The following TSPOAP1 variants were observed in gnomAD, a reference collection of about 807,000 sequenced individuals.
TSPOAP1 encodes the protein peripheral-type benzodiazepine receptor-associated protein 1.
Under a neutral mutation model 197.0 loss-of-function variants are expected in TSPOAP1, and 87 were observed. The ratio of observed to expected loss-of-function variants is 0.44; its 90% CI spans 0.37 to 0.53. The LOEUF (loss-of-function observed/expected upper bound fraction) is 0.53. Ranked by LOEUF, TSPOAP1 falls within the 20% of genes least tolerant of loss-of-function variation. TSPOAP1 has a pLI of 0.00. For synonymous variants in TSPOAP1, 913 were observed against 998.9 expected (o/e 0.91, Z 1.62); for missense variants, 2,174 against 2,411.3 (o/e 0.90, Z 2.06).
chr17:58,314,599 A>C (rs1012607590), intron 16 of TSPOAP1, among the ~76,000 whole-genome samples: 5 of 152,248 alleles, frequency 3.3e-5, no homozygotes, highest in Non-Finnish European at 7.3e-5. Flanking sequence ...AGAGCCCCCA[A>C]GGGGATGCAG....
chr17:58,306,592 G>T, intron 25 of TSPOAP1, 179 bp from the exon 26 acceptor site: 1 of 892,260 alleles, frequency 1.1e-6, no homozygotes, highest in Non-Finnish European at 1.7e-6. Context: ...CTGGCTGCAT[G>T]GCTGTATTCC....
At chr17:58,313,188 C>A (rs1471767580) in intron 16 of TSPOAP1, among the ~76,000 whole-genome samples, 1 of 152,110 alleles carries the variant, frequency 6.6e-6, no homozygotes, top group African/African-American at 2.4e-5. Context: ...AAAGTTTTAA[C>A]AATTGTTGAA....
At position 58,309,219 on chromosome 17, in the gene TSPOAP1, G is replaced by A; in HGVS notation, c.4053C>T (p.Gly1351=). The change falls in exon 22 of 32, where the codon GGC becomes GGT. Residue 1351 remains glycine, a synonymous_variant. Transcript: ENST00000343736. The surrounding 1 kb of genome is among the most constrained non-coding windows in gnomAD (Gnocchi z 5.0). ...EDEEEEKSGA[G]CSSRDPGPPE... ...GCGGGCCAGGGTCTCGGGAAGAACA[G>A]CCTGCCCCTGACTTCTCCTCCTCCT... 1.2e-6 allele frequency: 2 copies of A among 1,614,048 alleles called. No individual in the cohort carries two copies.
intron 5 of TSPOAP1, 151 bp from the exon 6 acceptor site, chr17:58,323,696 C>T (rs1041945480): frequency 1.1e-5 from 8 of 720,250 alleles, no homozygotes; most frequent in African/African-American, 1.1e-4. Flanking sequence ...GTACTGTCTG[C>T]CCACCCACCT....
chr17:58,316,159 G>A (rs1971226775), intron 15 of TSPOAP1, 27 bp from the exon 16 acceptor site: 2 of 1,542,232 alleles, frequency 1.3e-6, no homozygotes, highest in African/African-American at 2.7e-5. Flanking sequence ...AGAGGAGGAG[G>A]AGGAGAGTGA....
chr17:58,323,279 G>C lies in TSPOAP1; in HGVS notation c.1104+19C>G, dbSNP rs374727914. ...GGTGAAGGGAGGAGCTGGCCTCTGGGTTGCCCTCAAGAGCTCACCAGCTCC... is the reference window on the plus strand; with the variant it reads ...GGTGAAGGGAGGAGCTGGCCTCTGGCTTGCCCTCAAGAGCTCACCAGCTCC... On this transcript the variant is annotated intron_variant, in intron 7 of 31. Coordinates refer to ENST00000343736, the MANE Select transcript of TSPOAP1 (RefSeq NM_004758.4). 79 of 1,613,490 alleles carry C rather than the reference G, an allele frequency of 4.9e-5. 1 individual carries two copies. Among genetic ancestry groups the C allele is most frequent in the African/African-American group, 4.0e-5 (3 of 74,920 alleles).
chr17:58,302,577 G>A, intron 31 of TSPOAP1, 130 bp from the exon 32 acceptor site: 4 of 530,488 alleles, frequency 7.5e-6, no homozygotes, highest in Non-Finnish European at 1.1e-5. Flanking sequence ...TGAGAACCAG[G>A]GCCTCACCTC....
intron 24 of TSPOAP1, chr17:58,307,381 C>T (rs183902613): frequency 1.7e-6 from 1 of 594,348 alleles, no homozygotes; most frequent in Non-Finnish European, 2.9e-6. Flanking sequence ...GAGGTAGACA[C>T]TAATATTATC....
intron 22 of TSPOAP1, among the ~76,000 whole-genome samples, 186 bp downstream of exon 22, chr17:58,308,355 T>C (rs1051572236): frequency 1.3e-5 from 2 of 152,158 alleles, no homozygotes; most frequent in African/African-American, 4.8e-5. Flanking sequence ...ATCCCAGTCC[T>C]GATCAGCAGA....
chr17:58,321,038 A>T (rs1340634891), intron 10 of TSPOAP1, among the ~76,000 whole-genome samples: 1 of 152,116 alleles, frequency 6.6e-6, no homozygotes, highest in Admixed American at 6.5e-5. Context: ...GTGGCTCCAA[A>T]TATCTCCAAG....
chr17:58,308,592 T>C lies in TSPOAP1; in HGVS notation c.4680A>G (p.Pro1560=). 6.3e-7 allele frequency: 1 copy of C among 1,582,800 alleles called. No homozygotes were observed. The highest frequency in any genetic ancestry group is 8.6e-7 in the Non-Finnish European group (1 of 1,162,138). ...CCGTCGCACTGCGGCCTCTCCGCTC[T>C]GGTTCCCCTTTCTCCCAGGCTGGGA... The part of the protein sequence containing the change: ...PRLPAWEKGE[P]ERRGRSATGR... The change falls in exon 22 of 32, where the codon CCA becomes CCG. Residue 1560 remains proline, a synonymous_variant. Coordinates refer to ENST00000343736, the MANE Select transcript of TSPOAP1 (RefSeq NM_004758.4).
intron 4 of TSPOAP1, 176 bp downstream of exon 4, chr17:58,325,358 A>G (rs1971549524): frequency 5.0e-6 from 4 of 796,656 alleles, no homozygotes; most frequent in Non-Finnish European, 7.9e-6. Flanking sequence ...TCTGGGACTC[A>G]TGGCTCCACC....
chr17:58,312,435 G>C lies in TSPOAP1; in HGVS notation c.2386C>G (p.Arg796Gly). 1 of 1,613,146 alleles carries C rather than the reference G, an allele frequency of 6.2e-7. No homozygotes were observed. The highest frequency in any genetic ancestry group is 8.5e-7 in the Non-Finnish European group (1 of 1,179,828). ...GCCAGCTGCTTGAGGACCACCAGACGGCGGGGGTAAGGCACGGCAGGAGGC... is the reference window on the plus strand; with the variant it reads ...GCCAGCTGCTTGAGGACCACCAGACCGCGGGGGTAAGGCACGGCAGGAGGC... ...GEPPAVPYPR[R>G]LVVLKQLAHS... Residue 796 changes from arginine (R) to glycine (G), a missense_variant, in exon 17 of 32, where the codon CGT becomes GGT. Physicochemically the swap from Arg to Gly is moderately radical, Grantham distance 125 (BLOSUM62 -2). Around this residue, in one of 5 missense-constraint regions of TSPOAP1, gnomAD observed 1,933 missense variants for 2,139.0 expected, o/e 0.90. Coordinates refer to ENST00000343736, the MANE Select transcript of TSPOAP1 (RefSeq NM_004758.4).
chr17:58,323,229 G>A, intron 7 of TSPOAP1, 69 bp downstream of exon 7: 1 of 1,576,732 alleles, frequency 6.3e-7, no homozygotes, highest in Non-Finnish European at 8.7e-7. Flanking sequence ...AGAGCTGAGA[G>A]GGAGCCCACC....
chr17:58,311,546 C>T (rs748353424), intron 18 of TSPOAP1, 25 bp downstream of exon 18: 33 of 1,533,586 alleles, frequency 2.2e-5, no homozygotes, highest in Non-Finnish European at 2.6e-5. Context: ...CCCCCACTCC[C>T]AGGGTACAGT....
chr17:58,310,245 CA>C, intron 20 of TSPOAP1, 87 bp from the exon 21 acceptor site: 1 of 1,386,886 alleles, frequency 7.2e-7, no homozygotes, highest in Non-Finnish European at 9.8e-7. Flanking sequence ...GCCACAGTAA[CA>C]AGGGTCCTTT....
rs1417701755 is a variant in TSPOAP1 at position 58,318,378 on chromosome 17, C to T, written c.1774G>A (p.Gly592Arg). The change falls in exon 14 of 32, where the codon GGG becomes AGG. Residue 592 changes from glycine (G) to arginine (R), a missense_variant. By Grantham distance (125) the Gly-to-Arg change is moderately radical. This residue lies in a region of TSPOAP1 where 1,933 missense variants were observed against 2,139.0 expected (regional missense o/e 0.90). Coordinates refer to ENST00000343736, the MANE Select transcript of TSPOAP1 (RefSeq NM_004758.4). ...SSEPAPATLT[G>R]VPRRTAKKAE... The stretch of plus-strand genomic sequence containing the variant: ...TTCTTGGCTGTCCTTCGAGGGACCC[C>T]AGTGAGAGTGGCAGGGGCAGGCTCG... The T allele has an allele frequency of 6.2e-7, 1 of 1,614,002 alleles. No individual in the cohort carries two copies. Among genetic ancestry groups the T allele is most frequent in the African/African-American group, 1.3e-5 (1 of 74,914 alleles).
At chr17:58,311,335 G>C in intron 18 of TSPOAP1, 122 bp from the exon 19 acceptor site, 9 of 1,404,794 alleles carry the variant, frequency 6.4e-6, no homozygotes, top group Non-Finnish European at 8.7e-6. Context: ...CAGGTACTGT[G>C]CTAAGCCCTC....
chr17:58,307,006 A>C (rs760000155), intron 24 of TSPOAP1, 38 bp from the exon 25 acceptor site: 31 of 1,593,988 alleles, frequency 1.9e-5, no homozygotes, highest in Non-Finnish European at 2.7e-5. Flanking sequence ...AGTTCTGCTC[A>C]CTCCCTATGC....
Sources: gnomAD v4.1 joint callset for allele counts (sites outside exome capture counted in the v4.1 genomes callset) on GRCh38, gnomAD v4.1.1 for gene constraint, gnomAD v4.1.1 regional missense constraint, Gnocchi (gnomAD v3.1) non-coding constraint, MANE v1.5 for transcripts, NCBI Gene and HGNC (gene_info 2026-07-23, HGNC 2026-07-21) for gene names.